GEN1: variants seen among roughly 807,000 people sequenced by gnomAD.
GEN1 encodes the protein GEN1 structure-specific endonuclease.
Under a neutral mutation model 67.6 loss-of-function variants are expected in GEN1, and 64 were observed. That is an observed-to-expected ratio of 0.95 (90% confidence interval 0.77 to 1.17). The LOEUF (loss-of-function observed/expected upper bound fraction) is 1.17. Ranked by LOEUF, GEN1 falls within the 50% of genes most tolerant of loss-of-function variation. GEN1 has a pLI of 0.00. For missense variants in GEN1, 1,058 were observed against 1,048.3 expected (o/e 1.01, Z -0.13); for synonymous variants, 371 against 359.4 (o/e 1.03, Z -0.37).
Position 17,761,422 on chromosome 2 carries a change from T to C in GEN1, c.188T>C (p.Leu63Ser). ...AACTTATTTTTTCGTATCTCATATT[T>C]AACACAAATGGATGTAAAACTGGTA... is the stretch of plus-strand genomic sequence containing the variant. ...LRNLFFRISY[L>S]TQMDVKLVFV... The change falls in exon 3 of 14, where the codon TTA becomes TCA. Residue 63 changes from leucine (L) to serine (S), a missense_variant. Leu to Ser is a moderately radical substitution (Grantham distance 145, BLOSUM62 -2). Coordinates refer to ENST00000381254, the MANE Select transcript of GEN1 (RefSeq NM_001130009.3). 1.2e-6 allele frequency: 2 copies of C among 1,601,266 alleles called. No homozygotes were observed. Among genetic ancestry groups the C allele is most frequent in the Non-Finnish European group, 1.7e-6 (2 of 1,171,354 alleles).
At chr2:17,768,474 C>T (rs151113492) in intron 5 of GEN1, among the ~76,000 whole-genome samples, 302 of 152,168 alleles carry the variant, frequency 2.0e-3, no homozygotes, top group African/African-American at 6.9e-3. Context: ...AAATAAACAC[C>T]ATCAGTGGTT....
rs1328011265 is a variant in GEN1, at chr2:17,780,986, G to T, written c.1774G>T (p.Gly592Cys). ...DLHLSTIDWEGTSFSNSPAIQ... is the reference protein window; with the variant it reads ...DLHLSTIDWECTSFSNSPAIQ... ...ACACTTGAGCACTATTGACTGGGAA[G>T]GTACTTCTTTTAGTAATTCTCCAGC... The change falls in exon 14 of 14, where the codon GGT becomes TGT. Residue 592 changes from glycine to cysteine, a missense_variant. Transcript: ENST00000381254. 1 of 1,613,268 alleles carries T rather than the reference G, an allele frequency of 6.2e-7. No individual in the cohort carries two copies. The highest frequency in any genetic ancestry group is 1.3e-5 in the African/African-American group (1 of 74,906).
chr2:17,768,677 A>T, intron 5 of GEN1, 61 bp from the exon 6 acceptor site: 9 of 1,197,066 alleles, frequency 7.5e-6, no homozygotes, highest in South Asian at 3.9e-5. Flanking sequence ...TTCAATTAAT[A>T]TACTTTTAAC....
chr2:17,774,936 G>GA (rs1672358703), intron 11 of GEN1, among the ~76,000 whole-genome samples: 3 of 151,978 alleles, frequency 2.0e-5, no homozygotes, highest in Admixed American at 2.0e-4. Context: ...CTGAAGCCCA[G>GA]AAAGCCCACT....
rs766901831 is a variant in GEN1 at position 17,781,437 on chromosome 2, A to G, written c.2225A>G (p.Gln742Arg). The change falls in exon 14 of 14, where the codon CAG (glutamine) becomes CGG (arginine). Residue 742 changes from glutamine (Q) to arginine (R), a missense_variant. Gln to Arg is a conservative substitution (Grantham distance 43). Coordinates refer to ENST00000381254, the MANE Select transcript of GEN1 (RefSeq NM_001130009.3). ...SRDSKILKGD[Q>R]LLQEDYKVNT... Reference sequence around the variant, plus strand: ...GACTCTAAAATTCTAAAAGGAGACCAGCTGCTTCAAGAAGACTATAAAGTC... The same window carrying G: ...GACTCTAAAATTCTAAAAGGAGACCGGCTGCTTCAAGAAGACTATAAAGTC... The G allele has an allele frequency of 6.2e-7, 1 of 1,613,654 alleles. No individual in the cohort carries two copies. Among genetic ancestry groups the G allele is most frequent in the East Asian group, 2.2e-5 (1 of 44,864 alleles).
At chr2:17,774,446 T>TAA (rs756811368) in intron 11 of GEN1, 45 bp downstream of exon 11, 1 of 1,467,736 alleles carries the variant, frequency 6.8e-7, no homozygotes, top group Non-Finnish European at 9.1e-7. Context: ...TTTACTTGAG[T>TAA]ATTTTATAAT....
chr2:17,778,290 A>ACG (rs1491412228), intron 12 of GEN1, among the ~76,000 whole-genome samples: 5 of 46,270 alleles, frequency 1.1e-4, no homozygotes, highest in African/African-American at 2.7e-4. Context: ...ATACACACAC[A>ACG]TGTGTGTGTA....
chr2:17,753,866 G>A (rs990950731), upstream of GEN1: 1 of 152,490 alleles, frequency 6.6e-6, no homozygotes, highest in Non-Finnish European at 1.5e-5. Flanking sequence ...GCGCAGTTGC[G>A]GGGTTTCGCG....
At chr2:17,772,915 C>G (rs1411135616) in intron 8 of GEN1, 131 bp downstream of exon 8, 2 of 976,466 alleles carry the variant, frequency 2.0e-6, no homozygotes, top group Non-Finnish European at 3.0e-6. Context: ...TTTTTCATTT[C>G]TGTTCAAAAA....
At chr2:17,759,633 C>CT (rs1158628082) in intron 1 of GEN1, among the ~76,000 whole-genome samples, 12 of 151,158 alleles carry the variant, frequency 7.9e-5, no homozygotes, top group African/African-American at 2.2e-4. Context: ...GTCCCATTCT[C>CT]TAAGTATGTA....
Position 17,766,704 on chromosome 2 carries a change from T to C in GEN1, c.636+15T>C. The stretch of plus-strand genomic sequence containing the variant: ...ATCTCCCAAAGGTAAGCTGAAATTG[T>C]CATATTTATTTGCTATTCATAAAGT... On this transcript the variant is annotated intron_variant, in intron 5 of 13. Coordinates refer to ENST00000381254, the MANE Select transcript of GEN1 (RefSeq NM_001130009.3). The C allele has an allele frequency of 1.5e-6, 2 of 1,363,610 alleles. No individual in the cohort carries two copies. The highest frequency in any genetic ancestry group is 2.1e-6 in the Non-Finnish European group (2 of 953,828). The allele number at this position is 1,363,610 out of a possible 1,614,324, so 84.5% of individuals were successfully genotyped here.
chr2:17,787,584 G>A lies in GEN1; in HGVS notation c.*5645G>A, dbSNP rs1673099380. On this transcript the variant is annotated 3_prime_UTR_variant, in exon 14 of 14. Transcript: ENST00000381254. ...AGACTATGAACATCCTCAGGGCAGA[G>A]AAACTATATTGTACTTCTGAATTTA... 6.6e-6 allele frequency: 1 copy of A among 152,262 alleles called. No individual in the cohort carries two copies. The highest frequency in any genetic ancestry group is 2.1e-4 in the South Asian group (1 of 4,828). 9.4% of individuals were successfully genotyped at this position (152,262 alleles called of 1,614,324 possible).
chr2:17,766,095 A>G (rs116483798), intron 4 of GEN1, among the ~76,000 whole-genome samples: 1,542 of 152,286 alleles, frequency 0.01, 23 homozygotes, highest in African/African-American at 0.035. Context: ...ATTTTCATAT[A>G]TTGAAATGTC....
At chr2:17,769,033 T>A (rs1245042300) in intron 6 of GEN1, among the ~76,000 whole-genome samples, 1 of 152,066 alleles carries the variant, frequency 6.6e-6, no homozygotes, top group Admixed American at 6.6e-5. Flanking sequence ...TTTTTTCTTT[T>A]TTTGGAGACA....
Position 17,778,260 on chromosome 2 carries a change from A to ATG in GEN1, c.1264+203_1264+204dup, listed in dbSNP as rs1388213641. ...TGTGTACATATATGTATACACACAT[A>ATG]TGTGTGTACATATATGTATATACAC... is the stretch of plus-strand genomic sequence containing the variant. On this transcript the variant is annotated intron_variant, in intron 12 of 13. Coordinates refer to ENST00000381254, the MANE Select transcript of GEN1 (RefSeq NM_001130009.3). 1.7e-3 allele frequency among the ~76,000 whole-genome samples: 63 copies of ATG among 37,244 alleles called. 1 individual carries two copies. The highest frequency in any genetic ancestry group is 7.5e-3 in the South Asian group (2 of 268). 24.4% of individuals were successfully genotyped at this position (37,244 alleles called of 152,430 possible).
intron 1 of GEN1, among the ~76,000 whole-genome samples, chr2:17,758,199 A>G (rs940449198): frequency 1.1e-4 from 16 of 152,346 alleles, no homozygotes; most frequent in African/African-American, 3.6e-4. Flanking sequence ...ACCACGTAAC[A>G]TATCTTAAGT....
Position 17,760,000 on chromosome 2 carries a change from G to A in GEN1, c.57G>A (p.Leu19=). The A allele has an allele frequency of 6.2e-7, 1 of 1,614,058 alleles. No homozygotes were observed. Among genetic ancestry groups the A allele is most frequent in the Non-Finnish European group, 8.5e-7 (1 of 1,180,014 alleles). ...AGCCTGTTAAGCAACACATCCCCTT[G>A]CGTAATCTTGGTGGGAAAACCATTG... ...ILEPVKQHIP[L]RNLGGKTIAV... Residue 19 remains leucine, a synonymous_variant, in exon 2 of 14, where the codon TTG becomes TTA. Transcript: ENST00000381254.
intron 6 of GEN1, 122 bp downstream of exon 6, chr2:17,768,933 T>G (rs900886397): frequency 1.4e-5 from 7 of 515,942 alleles, no homozygotes; most frequent in African/African-American, 2.0e-5. Context: ...CTGACCTATA[T>G]TTTGTTTGAT....
rs541576398 is a variant in GEN1 at position 17,786,092 on chromosome 2, A to G, written c.*4153A>G. Reference sequence around the variant, plus strand: ...AACTTTTCTGAGACTCATTTATTCAAATGTTTATGTGACAGGCATTGTGCT... The same window carrying G: ...AACTTTTCTGAGACTCATTTATTCAGATGTTTATGTGACAGGCATTGTGCT... On this transcript the variant is annotated 3_prime_UTR_variant, in exon 14 of 14. Coordinates refer to ENST00000381254, the MANE Select transcript of GEN1 (RefSeq NM_001130009.3). 4 of 152,204 alleles carry G rather than the reference A, an allele frequency of 2.6e-5. No individual in the cohort carries two copies. Among genetic ancestry groups the G allele is most frequent in the African/African-American group, 9.6e-5 (4 of 41,516 alleles). 9.4% of individuals were successfully genotyped at this position (152,204 alleles called of 1,614,324 possible).
Sources: gnomAD v4.1 joint callset for allele counts (sites outside exome capture counted in the v4.1 genomes callset) on GRCh38, gnomAD v4.1.1 for gene constraint, MANE v1.5 for transcripts, NCBI Gene and HGNC (gene_info 2026-07-23, HGNC 2026-07-21) for gene names.